MOB3C: variants seen among roughly 807,000 people sequenced by gnomAD.
The protein encoded by MOB3C is MOB kinase activator 3C, also known as MOB1, Mps One Binder kinase activator-like 2C.
MOB3C carries 17 observed loss-of-function variants against 19.8 expected under a neutral mutation model. That is an observed-to-expected ratio of 0.86 (90% CI 0.59 to 1.29). The LOEUF (loss-of-function observed/expected upper bound fraction) is 1.29, where lower values mean the gene tolerates loss of function less well. Ranked by LOEUF, MOB3C falls within the 50% of genes most tolerant of loss-of-function variation. MOB3C has a pLI of 0.00. For missense variants in MOB3C, 291 were observed against 301.9 expected, an observed-to-expected ratio of 0.96 and a Z score of 0.27; for synonymous variants, 101 against 119.2, an observed-to-expected ratio of 0.85 and a Z score of 0.99.
chr1:46,611,366 C>T lies in MOB3C; in HGVS notation c.419-1162G>A, dbSNP rs758760567. Reference sequence around the variant, plus strand: ...AGACCCTCTTTGCAGTGCACTGCAGCGACCCTCACAGATATTGGGACCCAT... The same window carrying T: ...AGACCCTCTTTGCAGTGCACTGCAGTGACCCTCACAGATATTGGGACCCAT... On this transcript the variant is annotated intron_variant, in intron 2 of 3. Transcript: ENST00000319928. This position sits in a 1 kb window ranked among gnomAD's most constrained non-coding sequence, Gnocchi z 4.1. Among the ~76,000 whole-genome samples, 5 of 152,158 alleles carry T rather than the reference C, an allele frequency of 3.3e-5. No individual in the cohort carries two copies. The highest frequency in any genetic ancestry group is 7.4e-5 in the Non-Finnish European group (5 of 68,022).
At position 46,610,136 on chromosome 1, in the gene MOB3C, C is replaced by CA; in HGVS notation, c.486dup (p.Val163CysfsTer10). 1.2e-6 allele frequency: 2 copies of CA among 1,614,168 alleles called. No homozygotes were observed. The highest frequency in any genetic ancestry group is 3.3e-4 in the Middle Eastern group (2 of 6,062). ...TCGAAGTGGTGGATGTAGACATGGA[C>CA]AAAGACTCGGAAGAGGCGGGTCAGG... is the stretch of plus-strand genomic sequence containing the variant. On this transcript the variant is annotated frameshift_variant, in exon 3 of 4. Coordinates refer to ENST00000319928, the MANE Select transcript of MOB3C (RefSeq NM_201403.3). LOFTEE classifies it high-confidence loss of function.
At chr1:46,615,143 C>T (rs1302045308) in intron 1 of MOB3C, 15 of 1,317,316 alleles carry the variant, frequency 1.1e-5, no homozygotes, top group East Asian at 9.2e-5. Context: ...TGCAATTAGG[C>T]GGGGCTCCTG....
In MOB3C at chr1:46,610,224, A is replaced by G. The variant is rs1271000100; in HGVS notation, c.419-20T>C. ...GAACTCCTAGAGGGCAGGGGAGGGC[A>G]GAAGGGGATCAGTATCCTGGTGCCA... On this transcript the variant is annotated intron_variant, in intron 2 of 3. Transcript: ENST00000319928. 6.2e-7 allele frequency: 1 copy of G among 1,612,610 alleles called. No individual in the cohort carries two copies. Among genetic ancestry groups the G allele is most frequent in the Non-Finnish European group, 8.5e-7 (1 of 1,179,026 alleles).
intron 1 of MOB3C, chr1:46,615,264 A>C: frequency 1.8e-6 from 1 of 557,872 alleles, no homozygotes; most frequent in Non-Finnish European, 3.2e-6. Context: ...CCCCACACCA[A>C]CCACCCTGGG....
intron 2 of MOB3C, 52 bp from the exon 3 acceptor site, chr1:46,610,256 T>G: frequency 3.2e-6 from 5 of 1,586,426 alleles, no homozygotes; most frequent in Non-Finnish European, 4.3e-6. Flanking sequence ...GCCAAAGCTC[T>G]GCTCAACTTT....
intron 1 of MOB3C, chr1:46,615,104 G>T (rs1675538301): frequency 1.3e-6 from 2 of 1,578,610 alleles, no homozygotes; most frequent in Admixed American, 1.7e-5. Context: ...AACTCTGCTT[G>T]GGGCAAGTGC....
chr1:46,613,441 C>T, intron 1 of MOB3C, 70 bp from the exon 2 acceptor site: 1 of 1,370,010 alleles, frequency 7.3e-7, no homozygotes. Context: ...CTTCCCAATT[C>T]ATCATTTCCC....
In MOB3C at chr1:46,609,434, A is replaced by G; in HGVS notation, c.*221T>C. ...GACTTCATGCCAGAGGTTTAACTCC[A>G]CTTCCCTTCTGTTTGCCTGCCTAGA... On this transcript the variant is annotated 3_prime_UTR_variant, in exon 4 of 4. Transcript: ENST00000319928. The G allele has an allele frequency of 1.6e-6, 1 of 626,346 alleles. No homozygotes were observed. The highest frequency in any genetic ancestry group is 2.8e-6 in the Non-Finnish European group (1 of 351,506). The allele number at this position is 626,346 out of a possible 1,614,324, so 38.8% of individuals were successfully genotyped here.
In MOB3C at chr1:46,610,077, G is replaced by A. The variant is rs765754943; in HGVS notation, c.546C>T (p.Val182=). ...AGTAGAAGTGCTTGTAGCAGGTGTT[G>A]ACGTGCGCCTCTGCCCCCATGCTGA... ...SILSMGAEAH[V]NTCYKHFYYF... Residue 182 remains valine (V), a synonymous_variant, in exon 3 of 4, where the codon GTC becomes GTT. Coordinates refer to ENST00000319928, the MANE Select transcript of MOB3C (RefSeq NM_201403.3). 6 of 1,614,130 alleles carry A rather than the reference G, an allele frequency of 3.7e-6. No homozygotes were observed. The highest frequency in any genetic ancestry group is 1.3e-5 in the African/African-American group (1 of 74,946).
chr1:46,612,125 C>T (rs1343683771), intron 2 of MOB3C, among the ~76,000 whole-genome samples: 1 of 152,180 alleles, frequency 6.6e-6, no homozygotes, highest in Non-Finnish European at 1.5e-5. Context: ...CCCCTCCCTA[C>T]CCTCACCCGC....
rs1166313716 is a variant in MOB3C at position 46,613,517 on chromosome 1, G to A, written c.-50-146C>T. On this transcript the variant is annotated intron_variant, in intron 1 of 3. Coordinates refer to ENST00000319928, the MANE Select transcript of MOB3C (RefSeq NM_201403.3). Reference sequence around the variant, plus strand: ...CTGGAATCTAAGTCCTCAGCCCCTAGGTCCAGTGCCCCGCCCTCTTTCCAG... The same window carrying A: ...CTGGAATCTAAGTCCTCAGCCCCTAAGTCCAGTGCCCCGCCCTCTTTCCAG... The A allele has an allele frequency of 1.6e-5, 12 of 750,554 alleles. No homozygotes were observed. The East Asian group carries it at 3.2e-4, about 20-fold the overall frequency. 46.5% of individuals were successfully genotyped at this position (750,554 alleles called of 1,614,324 possible).
rs1363126357 is a variant in MOB3C at position 46,612,946 on chromosome 1, C to T, written c.376G>A (p.Glu126Lys). The change falls in exon 2 of 4, where the codon GAA becomes AAA. Residue 126 changes from glutamate (E) to lysine (K), a missense_variant. Transcript: ENST00000319928. Reference sequence around the variant, plus strand: ...ACCTCTTCGTCGTTGATGAGGCCTTCGATCCAGTCCATGAGCAATGCCATA... The same window carrying T: ...ACCTCTTCGTCGTTGATGAGGCCTTTGATCCAGTCCATGAGCAATGCCATA... The part of the protein sequence containing the change: ...RYMALLMDWI[E>K]GLINDEEVFP... 6.3e-7 allele frequency: 1 copy of T among 1,578,190 alleles called. No individual in the cohort carries two copies. The highest frequency in any genetic ancestry group is 2.3e-5 in the East Asian group (1 of 44,386).
In MOB3C at chr1:46,613,271, C is replaced by T. The variant is rs781039558; in HGVS notation, c.51G>A (p.Pro17=). 1.9e-6 allele frequency: 3 copies of T among 1,612,452 alleles called. No individual in the cohort carries two copies. The highest frequency in any genetic ancestry group is 1.1e-5 in the South Asian group (1 of 91,088). Residue 17 remains proline (P), a synonymous_variant, in exon 2 of 4, where the codon CCG becomes CCA. Coordinates refer to ENST00000319928, the MANE Select transcript of MOB3C (RefSeq NM_201403.3). ...QVFAKDKTFR[P]RKRFEPGTQR... is the part of the protein sequence containing the mutation. ...GTGTGCCCGGCTCAAAGCGCTTCCG[C>T]GGCCGGAACGTCTTGTCCTTGGCGA...
intron 2 of MOB3C, among the ~76,000 whole-genome samples, chr1:46,610,790 T>C (rs1675451758): frequency 6.6e-6 from 1 of 152,220 alleles, no homozygotes; most frequent in African/African-American, 2.4e-5. Flanking sequence ...TGCAAACTTG[T>C]GGGGGTCACT....
At chr1:46,612,638 C>T (rs1414962882) in intron 2 of MOB3C, among the ~76,000 whole-genome samples, 3 of 126,074 alleles carry the variant, frequency 2.4e-5, no homozygotes, top group African/African-American at 9.1e-5. Flanking sequence ...GGTGAAAGAC[C>T]GAAACTCTGT....
chr1:46,613,253 C>T lies in MOB3C; in HGVS notation c.69G>A (p.Pro23=), dbSNP rs1675504643. The T allele has an allele frequency of 4.3e-6, 7 of 1,613,850 alleles. No homozygotes were observed. The highest frequency in any genetic ancestry group is 3.4e-6 in the Non-Finnish European group (4 of 1,180,036). ...TGTACAGCTCAAAGCGCTGTGTGCC[C>T]GGCTCAAAGCGCTTCCGCGGCCGGA... The part of the protein sequence containing the change: ...KTFRPRKRFE[P]GTQRFELYKK... Residue 23 remains proline (P), a synonymous_variant, in exon 2 of 4, where the codon CCG becomes CCA. Transcript: ENST00000319928.
intron 3 of MOB3C, 66 bp from the exon 4 acceptor site, chr1:46,609,750 C>T: frequency 6.3e-7 from 1 of 1,595,178 alleles, no homozygotes; most frequent in Non-Finnish European, 8.6e-7. Context: ...CCTTCCCAAA[C>T]CATAGGGCCT....
intron 1 of MOB3C, chr1:46,614,927 A>G: frequency 6.9e-7 from 1 of 1,439,358 alleles, no homozygotes. Flanking sequence ...GGAGAGTAGA[A>G]ACAGGCCATT....
At chr1:46,612,823 C>T in intron 2 of MOB3C, 81 bp downstream of exon 2, 1 of 1,385,654 alleles carries the variant, frequency 7.2e-7, no homozygotes, top group Non-Finnish European at 9.7e-7. Flanking sequence ...ACCCCCAACC[C>T]TGCAGAGTGT....
Sources: allele counts gnomAD v4.1 joint callset (sites outside exome capture counted in the v4.1 genomes callset), GRCh38; gene constraint gnomAD v4.1.1; non-coding constraint Gnocchi (gnomAD v3.1); transcripts MANE v1.5; gene names NCBI Gene and HGNC (gene_info 2026-07-23, HGNC 2026-07-21).